EPHA3: variants seen among roughly 807,000 people sequenced by gnomAD.
EPHA3 encodes EPH receptor A3.
A neutral mutation model predicts 107.1 loss-of-function variants in EPHA3; 42 were observed. The observed-to-expected ratio is 0.39, with a 90% CI of 0.31 to 0.51. EPHA3 has a LOEUF of 0.51. EPHA3 is among the 20% of genes least tolerant of loss of function. The pLI is 0.78. For synonymous variants in EPHA3, 461 were observed against 424.8 expected (o/e 1.09, Z -1.05); for missense variants, 1,183 against 1,211.2 (o/e 0.98, Z 0.35).
rs559572507 is a variant in EPHA3 at position 89,357,426 on chromosome 3, T to C, written c.1306+15336T>C. ...GAATGTCAGATGACCCCAAAATTAA[T>C]TGTGCATACCATAGATATTTTAAAG... On this transcript the variant is annotated intron_variant, in intron 5 of 16. Coordinates refer to ENST00000336596, the MANE Select transcript of EPHA3 (RefSeq NM_005233.6). Among the ~76,000 whole-genome samples the C allele has an allele frequency of 2.7e-3, 406 of 151,206 alleles. 5 individuals carry two copies. Among genetic ancestry groups the C allele is most frequent in the African/African-American group, 9.2e-3 (380 of 41,476 alleles).
At chr3:89,156,411 A>C (rs1240581678) in intron 2 of EPHA3, among the ~76,000 whole-genome samples, 1 of 152,112 alleles carries the variant, frequency 6.6e-6, no homozygotes, top group African/African-American at 2.4e-5. Flanking sequence ...TCTTATTTTT[A>C]ACTGCTCTGC....
At position 89,292,918 on chromosome 3, in the gene EPHA3, G is replaced by A. The variant is rs377416189; in HGVS notation, c.815-47998G>A. Reference sequence around the variant, plus strand: ...ACTTTTACACTTCTAACAAAATGTCGACATGTTTTCCATAGCATTTGAAAC... The same window carrying A: ...ACTTTTACACTTCTAACAAAATGTCAACATGTTTTCCATAGCATTTGAAAC... On this transcript the variant is annotated intron_variant, in intron 3 of 16. Coordinates refer to ENST00000336596, the MANE Select transcript of EPHA3 (RefSeq NM_005233.6). 7.0e-4 allele frequency among the ~76,000 whole-genome samples: 107 copies of A among 152,210 alleles called. 3 individuals are homozygous for A. In the South Asian group the frequency reaches 0.02, roughly 29 times the overall value.
Position 89,390,097 on chromosome 3 carries a change from T to C in EPHA3, c.1307-5740T>C, listed in dbSNP as rs571753994. Among the ~76,000 whole-genome samples the C allele has an allele frequency of 3.1e-3, 472 of 152,246 alleles. 3 individuals carry two copies. Among genetic ancestry groups the C allele is most frequent in the African/African-American group, 0.011 (461 of 41,552 alleles). Reference sequence around the variant, plus strand: ...ACCTCCACCTCCAGGATTCAAGTGATTCTCCTGCCTCAGCCTCCCAAGTAG... The same window carrying C: ...ACCTCCACCTCCAGGATTCAAGTGACTCTCCTGCCTCAGCCTCCCAAGTAG... On this transcript the variant is annotated intron_variant, in intron 5 of 16. Transcript: ENST00000336596.
chr3:89,479,517 GT>G lies in EPHA3; in HGVS notation c.*16del, dbSNP rs1710585060. 6.2e-7 allele frequency: 1 copy of G among 1,604,490 alleles called. No individual in the cohort carries two copies. The highest frequency in any genetic ancestry group is 8.5e-7 in the Non-Finnish European group (1 of 1,171,522). ...TTCCCGTGTAAAGCACGGGACGGAA[GT>G]GCTTCTGGACGGAAGTGGTGGCTGT... On this transcript the variant is annotated 3_prime_UTR_variant, in exon 17 of 17. Coordinates refer to ENST00000336596, the MANE Select transcript of EPHA3 (RefSeq NM_005233.6).
At chr3:89,226,754 C>T (rs1704511785) in intron 3 of EPHA3, among the ~76,000 whole-genome samples, 1 of 152,010 alleles carries the variant, frequency 6.6e-6, no homozygotes, top group Admixed American at 6.6e-5. Context: ...TCTGAATTAC[C>T]TTGCTGTGAC....
intron 3 of EPHA3, among the ~76,000 whole-genome samples, chr3:89,326,183 C>A (rs1211073512): frequency 6.6e-6 from 1 of 151,536 alleles, no homozygotes; most frequent in African/African-American, 2.4e-5. Flanking sequence ...GTTCCAGGAC[C>A]CCTGAGGATA....
At chr3:89,199,653 A>G (rs1705924514) in intron 2 of EPHA3, among the ~76,000 whole-genome samples, 1 of 151,994 alleles carries the variant, frequency 6.6e-6, no homozygotes. Context: ...TTTTTCCTTT[A>G]TCTTCCAAAA....
At chr3:89,478,652 A>T (rs1418889152) in intron 16 of EPHA3, among the ~76,000 whole-genome samples, 2 of 152,198 alleles carry the variant, frequency 1.3e-5, no homozygotes, top group Non-Finnish European at 2.9e-5. Flanking sequence ...ATCTCAAGCA[A>T]TAAGTAGAGG....
chr3:89,114,153 A>G (rs1707192691), intron 1 of EPHA3, among the ~76,000 whole-genome samples: 1 of 152,242 alleles, frequency 6.6e-6, no homozygotes, highest in Non-Finnish European at 1.5e-5. Context: ...CGCCATGGAC[A>G]GGAGTAGCCA....
intron 2 of EPHA3, among the ~76,000 whole-genome samples, chr3:89,145,648 A>G (rs73144408): frequency 5.9e-4 from 89 of 151,880 alleles, no homozygotes; most frequent in Non-Finnish European, 1.1e-3. Context: ...TATATTGTCT[A>G]TTTCAAATAA....
intron 2 of EPHA3, among the ~76,000 whole-genome samples, chr3:89,134,472 G>GT (rs1004390185): frequency 5.3e-5 from 8 of 151,942 alleles, no homozygotes; most frequent in Admixed American, 1.3e-4. Context: ...GCGATGTTTG[G>GT]TTTTTTGTCC....
At chr3:89,399,543 G>A (rs1185431304) in intron 7 of EPHA3, 63 bp downstream of exon 7, 2 of 1,587,416 alleles carry the variant, frequency 1.3e-6, no homozygotes, top group East Asian at 2.2e-5. Flanking sequence ...ATGTCTGATC[G>A]TTTATTCTCA....
chr3:89,187,123 T>C (rs1395344285), intron 2 of EPHA3, among the ~76,000 whole-genome samples: 18 of 151,762 alleles, frequency 1.2e-4, no homozygotes, highest in African/African-American at 1.7e-4. Context: ...TTAATTTTTA[T>C]CCTCACGAAT....
At chr3:89,170,038 G>C (rs928029002) in intron 2 of EPHA3, among the ~76,000 whole-genome samples, 7 of 152,098 alleles carry the variant, frequency 4.6e-5, no homozygotes, top group African/African-American at 1.4e-4. Flanking sequence ...CACGAGGTCA[G>C]GGGATCGAGA....
chr3:89,444,019 A>G (rs1559698545), intron 13 of EPHA3, among the ~76,000 whole-genome samples: 2 of 152,208 alleles, frequency 1.3e-5, no homozygotes, highest in Non-Finnish European at 2.9e-5. Flanking sequence ...GAATGCCTGC[A>G]CTGCACATTT....
chr3:89,468,589 A>C (rs1462873824), intron 15 of EPHA3, among the ~76,000 whole-genome samples: 1 of 152,238 alleles, frequency 6.6e-6, no homozygotes, highest in African/African-American at 2.4e-5. Context: ...TGCTCCAGCT[A>C]CTGTAGACAG....
chr3:89,258,207 T>A (rs916849735), intron 3 of EPHA3, among the ~76,000 whole-genome samples: 3 of 152,148 alleles, frequency 2.0e-5, no homozygotes, highest in Admixed American at 1.3e-4. Context: ...AACTAGCTTA[T>A]GTCCTGAAAG....
chr3:89,360,087 C>T (rs1708060182), intron 5 of EPHA3, among the ~76,000 whole-genome samples: 1 of 150,178 alleles, frequency 6.7e-6, no homozygotes, highest in South Asian at 2.1e-4. Flanking sequence ...AGAATTTGAA[C>T]CTAGATCTTT....
At chr3:89,306,753 T>C (rs1163226559) in intron 3 of EPHA3, among the ~76,000 whole-genome samples, 1 of 152,148 alleles carries the variant, frequency 6.6e-6, no homozygotes, top group Admixed American at 6.6e-5. Flanking sequence ...TGGATCTGTT[T>C]GGTCAGAACC....
Sources: gnomAD v4.1 joint callset for allele counts (sites outside exome capture counted in the v4.1 genomes callset) on GRCh38, gnomAD v4.1.1 for gene constraint, MANE v1.5 for transcripts, NCBI Gene and HGNC (gene_info 2026-07-23, HGNC 2026-07-21) for gene names.